The following PCP4L1 variants were observed in gnomAD, a reference collection of about 807,000 sequenced individuals.
The protein encoded by PCP4L1 is Purkinje cell protein 4-like protein 1.
A neutral mutation model predicts 9.6 loss-of-function variants in PCP4L1; 9 were observed. That is an observed-to-expected ratio of 0.94 (90% CI 0.57 to 1.64). PCP4L1 has a LOEUF of 1.64. PCP4L1 is among the 40% of genes most tolerant of loss of function. The probability of loss-of-function intolerance (pLI) is 0.00; values close to 1 mark genes in which losing one functional copy is unlikely to be tolerated. For missense variants in PCP4L1, 81 were observed against 80.8 expected (o/e 1.00, Z -0.01); for synonymous variants, 31 against 28.2 (o/e 1.10, Z -0.31).
Position 161,258,776 on chromosome 1 carries a change from T to G in PCP4L1, c.-199T>G, listed in dbSNP as rs1669363069. 19 of 801,916 alleles carry G rather than the reference T, an allele frequency of 2.4e-5. No individual in the cohort carries two copies. Among genetic ancestry groups the G allele is most frequent in the South Asian group, 1.0e-4 (6 of 58,662 alleles). 49.7% of individuals were successfully genotyped at this position (801,916 alleles called of 1,614,324 possible). ...CTCTGACAGGACGGGTCGCAGGGGGTCGCCTGGCCGGAGCTGGGCTCCGAG... is the reference window on the plus strand; with the variant it reads ...CTCTGACAGGACGGGTCGCAGGGGGGCGCCTGGCCGGAGCTGGGCTCCGAG... On this transcript the variant is annotated 5_prime_UTR_variant, in exon 1 of 3. Coordinates refer to ENST00000504449, the MANE Select transcript of PCP4L1 (RefSeq NM_001102566.2).
chr1:161,275,743 G>C (rs996348227), intron 1 of PCP4L1, among the ~76,000 whole-genome samples: 6 of 151,024 alleles, frequency 4.0e-5, no homozygotes, highest in African/African-American at 1.5e-4. Context: ...TGATCCTCTT[G>C]TCTGGACAGT....
chr1:161,281,923 G>C (rs1278460327), intron 1 of PCP4L1, among the ~76,000 whole-genome samples: 1 of 151,240 alleles, frequency 6.6e-6, no homozygotes, highest in African/African-American at 2.4e-5. Context: ...GGGAAGAGGC[G>C]CTCCTCACAT....
Position 161,258,935 on chromosome 1 carries a change from T to C in PCP4L1, c.-40T>C. The C allele has an allele frequency of 6.5e-7, 1 of 1,535,036 alleles. No homozygotes were observed. Among genetic ancestry groups the C allele is most frequent in the Non-Finnish European group, 8.7e-7 (1 of 1,146,256 alleles). ...AGCCCCGAGGGCCACTCGCCTCACC[T>C]GTGCGTGCAGCGCCTCGCGCGCCCT... On this transcript the variant is annotated 5_prime_UTR_variant, in exon 1 of 3. Transcript: ENST00000504449.
intron 1 of PCP4L1, among the ~76,000 whole-genome samples, chr1:161,265,501 C>T (rs958931092): frequency 6.6e-6 from 1 of 151,738 alleles, no homozygotes; most frequent in Non-Finnish European, 1.5e-5. Context: ...CCAGCTTAGG[C>T]AACAGAGCAC....
At chr1:161,283,764 G>A (rs890736158) in intron 2 of PCP4L1, 42 bp downstream of exon 2, 33 of 1,560,136 alleles carry the variant, frequency 2.1e-5, no homozygotes, top group Non-Finnish European at 2.5e-5. Context: ...GCAGGTGACT[G>A]TAGAGACATA....
In PCP4L1 at chr1:161,259,001, C is replaced by G. The variant is rs1398169903; in HGVS notation, c.9+18C>G. The G allele has an allele frequency of 1.3e-6, 2 of 1,530,478 alleles. No homozygotes were observed. The highest frequency in any genetic ancestry group is 4.9e-5 in the East Asian group (2 of 40,716). 94.8% of individuals were successfully genotyped at this position (1,530,478 alleles called of 1,614,324 possible). The stretch of plus-strand genomic sequence containing the variant: ...TGAGCGAGGTGAGCGGTGCGGCCCC[C>G]GGCGCTGTCGGCAGGGCTGCGGCGG... On this transcript the variant is annotated intron_variant, in intron 1 of 2. Coordinates refer to ENST00000504449, the MANE Select transcript of PCP4L1 (RefSeq NM_001102566.2).
At chr1:161,263,454 G>T (rs1395982163) in intron 1 of PCP4L1, among the ~76,000 whole-genome samples, 2 of 152,032 alleles carry the variant, frequency 1.3e-5, no homozygotes, top group African/African-American at 4.8e-5. Context: ...GGCCAGACTG[G>T]TCTCGAACTC....
chr1:161,263,841 C>T (rs1219048505), intron 1 of PCP4L1, among the ~76,000 whole-genome samples: 1 of 151,534 alleles, frequency 6.6e-6, no homozygotes, highest in Admixed American at 6.6e-5. Flanking sequence ...ATCTCAGCCT[C>T]CCAAAGAGCT....
chr1:161,283,632 A>T, intron 1 of PCP4L1, 36 bp from the exon 2 acceptor site: 1 of 1,543,044 alleles, frequency 6.5e-7, no homozygotes, highest in Non-Finnish European at 8.8e-7. Flanking sequence ...ACTTCCATGA[A>T]TATCTAATAT....
At chr1:161,281,861 C>T (rs1269409212) in intron 1 of PCP4L1, among the ~76,000 whole-genome samples, 4 of 130,824 alleles carry the variant, frequency 3.1e-5, no homozygotes, top group Admixed American at 2.3e-4. Flanking sequence ...ACATCTCAGA[C>T]GATGGGTGGC....
At chr1:161,269,537 A>G (rs1324779026) in intron 1 of PCP4L1, among the ~76,000 whole-genome samples, 3 of 152,204 alleles carry the variant, frequency 2.0e-5, no homozygotes, top group Non-Finnish European at 4.4e-5. Flanking sequence ...AGTGTAAATC[A>G]TATGTAAAGG....
intron 1 of PCP4L1, among the ~76,000 whole-genome samples, chr1:161,265,342 G>A (rs1669511856): frequency 6.6e-6 from 1 of 152,076 alleles, no homozygotes. Context: ...ACTAGCCTGG[G>A]CACCATAGCA....
At chr1:161,281,758 CCGGG>C (rs1669812840) in intron 1 of PCP4L1, among the ~76,000 whole-genome samples, 1 of 113,696 alleles carries the variant, frequency 8.8e-6, no homozygotes, top group African/African-American at 3.8e-5. Context: ...GGGGTCACGG[CCGGG>C]CAGAGGCGCT....
At chr1:161,280,337 C>A (rs1669772679) in intron 1 of PCP4L1, among the ~76,000 whole-genome samples, 1 of 152,216 alleles carries the variant, frequency 6.6e-6, no homozygotes, top group Non-Finnish European at 1.5e-5. Flanking sequence ...TCTACTGATG[C>A]ACTAGATCTC....
chr1:161,267,750 T>G (rs533263650), intron 1 of PCP4L1, among the ~76,000 whole-genome samples: 1 of 152,240 alleles, frequency 6.6e-6, no homozygotes, highest in Admixed American at 6.5e-5. Flanking sequence ...CTCTGTTGCC[T>G]AGGCTGGAGT....
At chr1:161,279,600 G>A (rs2102240571) in intron 1 of PCP4L1, among the ~76,000 whole-genome samples, 1 of 152,212 alleles carries the variant, frequency 6.6e-6, no homozygotes, top group African/African-American at 2.4e-5. Context: ...GTAAAATGGG[G>A]GATAATATTA....
intron 1 of PCP4L1, among the ~76,000 whole-genome samples, chr1:161,282,401 GGGGAGA>G (rs1215788549): frequency 2.7e-5 from 4 of 149,250 alleles, no homozygotes; most frequent in Non-Finnish European, 3.0e-5. Context: ...GGGAGACCGT[GGGGAGA>G]GGGAGAGGGA....
At chr1:161,282,324 C>G (rs932296715) in intron 1 of PCP4L1, among the ~76,000 whole-genome samples, 2 of 149,280 alleles carry the variant, frequency 1.3e-5, no homozygotes, top group African/African-American at 4.9e-5. Flanking sequence ...TGCAGTGAGC[C>G]GAGATGGCAG....
At chr1:161,266,165 G>T (rs972242770) in intron 1 of PCP4L1, among the ~76,000 whole-genome samples, 2 of 152,010 alleles carry the variant, frequency 1.3e-5, no homozygotes, top group East Asian at 3.9e-4. Context: ...GCTTATTCCC[G>T]AAGCCATGCC....
Sources: allele counts gnomAD v4.1 joint callset (sites outside exome capture counted in the v4.1 genomes callset), GRCh38; gene constraint gnomAD v4.1.1; transcripts MANE v1.5; gene names NCBI Gene and HGNC (gene_info 2026-07-23, HGNC 2026-07-21).